KIAA1217: variants seen among roughly 807,000 people sequenced by gnomAD.
The protein encoded by KIAA1217 is sickle tail protein homolog.
Under a neutral mutation model 163.9 loss-of-function variants are expected in KIAA1217, and 88 were observed. That is an observed-to-expected ratio of 0.54 (90% CI 0.45 to 0.64). The LOEUF (loss-of-function observed/expected upper bound fraction) is 0.64. Ranked by LOEUF, KIAA1217 falls within the 30% of genes least tolerant of loss-of-function variation. The pLI is 0.00. For synonymous variants in KIAA1217, 903 were observed against 923.1 expected, an observed-to-expected ratio of 0.98 and a Z score of 0.39; for missense variants, 2,372 against 2,475.0, an observed-to-expected ratio of 0.96 and a Z score of 0.88.
At chr10:24,151,163 C>T (rs1007309582) in intron 2 of KIAA1217, among the ~76,000 whole-genome samples, 18 of 152,072 alleles carry the variant, frequency 1.2e-4, no homozygotes, top group African/African-American at 2.9e-4. Context: ...TAGGAATGTG[C>T]GCTTCTCCTG....
intron 1 of KIAA1217, among the ~76,000 whole-genome samples, chr10:23,911,489 A>G (rs4072834): frequency 0.017 from 2,650 of 152,254 alleles, 45 homozygotes; most frequent in Admixed American, 0.052. Flanking sequence ...TACGAAGGAC[A>G]TGTTTTTTAT....
At chr10:23,853,983 T>A (rs945388030) in intron 1 of KIAA1217, among the ~76,000 whole-genome samples, 2 of 152,194 alleles carry the variant, frequency 1.3e-5, no homozygotes, top group Admixed American at 1.3e-4. Context: ...ATTCATTAAT[T>A]TTTTGAAGGA....
intron 1 of KIAA1217, among the ~76,000 whole-genome samples, chr10:23,750,039 C>T (rs879424260): frequency 7.2e-5 from 11 of 151,982 alleles, no homozygotes; most frequent in African/African-American, 1.2e-4. Context: ...ACCTTCCTCA[C>T]GTATCTTGAT....
At chr10:24,449,695 G>T (rs956480448) in intron 5 of KIAA1217, 2 of 985,288 alleles carry the variant, frequency 2.0e-6, no homozygotes, top group African/African-American at 3.5e-5. Context: ...TTGGAGAGAG[G>T]GGTGGTTTCG....
At chr10:24,501,350 C>T in intron 8 of KIAA1217, 29 bp from the exon 9 acceptor site, 2 of 1,589,328 alleles carry the variant, frequency 1.3e-6, no homozygotes, top group South Asian at 1.1e-5. Flanking sequence ...TTGTGGCCTT[C>T]TGAGTTCTCT....
At chr10:24,169,543 C>T (rs2065522365) in intron 2 of KIAA1217, among the ~76,000 whole-genome samples, 2 of 152,128 alleles carry the variant, frequency 1.3e-5, no homozygotes, top group Non-Finnish European at 2.9e-5. Context: ...TAACTGAATA[C>T]CTAATAGTTA....
At chr10:23,758,646 C>CTCTCTCT (rs1386376033) in intron 1 of KIAA1217, among the ~76,000 whole-genome samples, 2 of 132,220 alleles carry the variant, frequency 1.5e-5, no homozygotes, top group African/African-American at 5.9e-5. Flanking sequence ...CTCTCTCTCT[C>CTCTCTCT]CCCCTCCCTC....
intron 1 of KIAA1217, among the ~76,000 whole-genome samples, chr10:23,977,901 C>T (rs141329052): frequency 6.6e-6 from 1 of 152,068 alleles, no homozygotes; most frequent in South Asian, 2.1e-4. Context: ...ACCTTTGGGA[C>T]CTTGTCTGGG....
At chr10:24,360,044 T>C (rs1404737978) in intron 2 of KIAA1217, among the ~76,000 whole-genome samples, 3 of 135,914 alleles carry the variant, frequency 2.2e-5, no homozygotes, top group African/African-American at 8.6e-5. Context: ...TAATTACTTT[T>C]TTTTTTTTTT....
At chr10:23,851,188 A>G (rs937689685) in intron 1 of KIAA1217, among the ~76,000 whole-genome samples, 10 of 151,956 alleles carry the variant, frequency 6.6e-5, no homozygotes, top group African/African-American at 2.2e-4. Context: ...AACAGTCCCC[A>G]GAGTGTGATG....
chr10:24,213,611 G>C (rs538871304), intron 1 of KIAA1217, among the ~76,000 whole-genome samples: 1 of 152,292 alleles, frequency 6.6e-6, no homozygotes, highest in South Asian at 2.1e-4. Flanking sequence ...AGGGCATTAA[G>C]TCTGACTTGA....
At chr10:23,856,769 G>A (rs939663273) in intron 1 of KIAA1217, among the ~76,000 whole-genome samples, 5 of 152,258 alleles carry the variant, frequency 3.3e-5, no homozygotes, top group African/African-American at 1.2e-4. Flanking sequence ...TCAGACTGCT[G>A]TGCTAGCAAT....
chr10:23,785,300 T>C (rs1038159281), intron 1 of KIAA1217, among the ~76,000 whole-genome samples: 1 of 152,174 alleles, frequency 6.6e-6, no homozygotes, highest in Non-Finnish European at 1.5e-5. Context: ...ACTCATCCTT[T>C]AGGAGTCAAC....
intron 2 of KIAA1217, among the ~76,000 whole-genome samples, chr10:24,180,492 G>A (rs2066125453): frequency 6.6e-6 from 1 of 151,780 alleles, no homozygotes; most frequent in South Asian, 2.1e-4. Context: ...TCACCATGTT[G>A]GCAAAATTCT....
chr10:24,284,162 C>T (rs2132289260), intron 2 of KIAA1217, among the ~76,000 whole-genome samples: 1 of 152,256 alleles, frequency 6.6e-6, no homozygotes, highest in African/African-American at 2.4e-5. Context: ...CCCACTTTGG[C>T]CTCCTAAAGT....
intron 2 of KIAA1217, among the ~76,000 whole-genome samples, chr10:24,142,702 C>T (rs766614306): frequency 1.6e-4 from 25 of 152,232 alleles, no homozygotes; most frequent in Non-Finnish European, 3.1e-4. Flanking sequence ...TTGCTGTCAA[C>T]CTTGAACATT....
chr10:24,017,766 C>T (rs986500408), intron 2 of KIAA1217, among the ~76,000 whole-genome samples: 4 of 152,068 alleles, frequency 2.6e-5, no homozygotes, highest in Non-Finnish European at 5.9e-5. Context: ...GGGGAGTTTA[C>T]CTTTTGCTTG....
chr10:24,010,539 C>T (rs1847197872), intron 2 of KIAA1217, among the ~76,000 whole-genome samples: 1 of 151,076 alleles, frequency 6.6e-6, no homozygotes, highest in African/African-American at 2.4e-5. Context: ...TGTAGATCTT[C>T]CCCCCCTTCA....
chr10:24,118,413 C>G (rs1169863990), intron 2 of KIAA1217, among the ~76,000 whole-genome samples: 1 of 152,174 alleles, frequency 6.6e-6, no homozygotes, highest in African/African-American at 2.4e-5. Flanking sequence ...GAAAACCGAG[C>G]GCCTTAACAA....
Sources: allele counts gnomAD v4.1 joint callset (sites outside exome capture counted in the v4.1 genomes callset), GRCh38; gene constraint gnomAD v4.1.1; transcripts MANE v1.5; gene names NCBI Gene and HGNC (gene_info 2026-07-23, HGNC 2026-07-21).